NCK2: variants seen among roughly 807,000 people sequenced by gnomAD.
NCK2 encodes the protein NCK adaptor protein 2.
NCK2 carries 16 observed loss-of-function variants against 33.9 expected under a neutral mutation model. The ratio of observed to expected loss-of-function variants is 0.47; its 90% CI spans 0.32 to 0.72. The LOEUF (loss-of-function observed/expected upper bound fraction) is 0.72, where lower values mean the gene tolerates loss of function less well. Among genes scored for constraint, NCK2 ranks in the 30% least tolerant of loss-of-function variants. NCK2 has a pLI of 0.03. For missense variants in NCK2, 418 were observed against 537.3 expected (o/e 0.78, Z 2.19); for synonymous variants, 273 against 239.9 (o/e 1.14, Z -1.27).
intron 1 of NCK2, among the ~76,000 whole-genome samples, chr2:105,765,702 A>G (rs371695948): frequency 6.6e-6 from 1 of 151,404 alleles, no homozygotes; most frequent in East Asian, 1.9e-4. Flanking sequence ...CCTTAAAGAC[A>G]TTTTCAGAAA....
intron 1 of NCK2, among the ~76,000 whole-genome samples, chr2:105,811,498 A>C (rs555996826): frequency 3.0e-4 from 46 of 152,302 alleles, no homozygotes; most frequent in African/African-American, 1.0e-3. Context: ...ACGTACCTGA[A>C]TGTGTGTTCC....
Position 105,747,857 on chromosome 2 carries a change from G to A in NCK2, c.-201+2719G>A, listed in dbSNP as rs151262573. Among the ~76,000 whole-genome samples, 292 of 152,324 alleles carry A rather than the reference G, an allele frequency of 1.9e-3. 1 individual carries two copies. The highest frequency in any genetic ancestry group is 6.7e-3 in the African/African-American group (280 of 41,562). On this transcript the variant is annotated intron_variant, in intron 1 of 4. Transcript: ENST00000233154. ...AGTTAAGGCAACTCAGAAGAAGGTCGTGACGGCCTTTTAACGGGCTATCAA... is the reference window on the plus strand; with the variant it reads ...AGTTAAGGCAACTCAGAAGAAGGTCATGACGGCCTTTTAACGGGCTATCAA...
At chr2:105,798,475 A>G (rs1485471873) in intron 1 of NCK2, among the ~76,000 whole-genome samples, 1 of 152,214 alleles carries the variant, frequency 6.6e-6, no homozygotes, top group Non-Finnish European at 1.5e-5. Flanking sequence ...TACACTTTAA[A>G]CAGTGAACCA....
chr2:105,754,609 C>T (rs1341520713), intron 1 of NCK2, among the ~76,000 whole-genome samples: 1 of 151,884 alleles, frequency 6.6e-6, no homozygotes, highest in Non-Finnish European at 1.5e-5. Context: ...GCTTGTATTC[C>T]TGTTTGTGTG....
At chr2:105,892,184 CA>C (rs570279488) in intron 4 of NCK2, among the ~76,000 whole-genome samples, 41 of 137,376 alleles carry the variant, frequency 3.0e-4, no homozygotes, top group Middle Eastern at 3.8e-3. Flanking sequence ...AACTGCGTCT[CA>C]AAAAAAAAAA....
chr2:105,836,579 A>C (rs991357241), intron 2 of NCK2, among the ~76,000 whole-genome samples: 29 of 152,178 alleles, frequency 1.9e-4, no homozygotes, highest in Admixed American at 1.6e-3. Flanking sequence ...GTCAGCTTTC[A>C]GGCTCTGGGG....
At chr2:105,837,804 C>T (rs1573183091) in intron 2 of NCK2, among the ~76,000 whole-genome samples, 1 of 152,262 alleles carries the variant, frequency 6.6e-6, no homozygotes, top group Non-Finnish European at 1.5e-5. Flanking sequence ...AAAATGGGAT[C>T]GTATTGTGGT....
chr2:105,821,261 T>C (rs985750657), intron 2 of NCK2, among the ~76,000 whole-genome samples: 2 of 152,190 alleles, frequency 1.3e-5, no homozygotes, highest in African/African-American at 2.4e-5. Flanking sequence ...CAACAGGTTA[T>C]TTAGAAAGAT....
chr2:105,755,631 C>G lies in NCK2; in HGVS notation c.-201+10493C>G, dbSNP rs141575856. 1.9e-3 allele frequency among the ~76,000 whole-genome samples: 284 copies of G among 152,166 alleles called. 2 individuals are homozygous for G. The highest frequency in any genetic ancestry group is 6.2e-3 in the African/African-American group (258 of 41,424). On this transcript the variant is annotated intron_variant, in intron 1 of 4. Coordinates refer to ENST00000233154, the MANE Select transcript of NCK2 (RefSeq NM_003581.5). ...TTAGACCTAGATTGGGAAGTAGAAA[C>G]AATTTACTTGTGCAGGTACACGAAT... is the stretch of plus-strand genomic sequence containing the variant.
At chr2:105,771,867 G>A (rs1690144724) in intron 1 of NCK2, among the ~76,000 whole-genome samples, 1 of 152,166 alleles carries the variant, frequency 6.6e-6, no homozygotes, top group South Asian at 2.1e-4. Context: ...CCATCACTCA[G>A]ATCTATATTT....
chr2:105,783,487 C>T (rs1407476547), intron 1 of NCK2, among the ~76,000 whole-genome samples: 1 of 152,144 alleles, frequency 6.6e-6, no homozygotes, highest in Non-Finnish European at 1.5e-5. Context: ...AGACTTAGCT[C>T]TTCATCTTCA....
chr2:105,752,079 T>C (rs966300768), intron 1 of NCK2, among the ~76,000 whole-genome samples: 2 of 152,194 alleles, frequency 1.3e-5, no homozygotes, highest in Non-Finnish European at 2.9e-5. Context: ...GCATATAGTA[T>C]ATACGTTTAC....
chr2:105,820,308 A>G (rs901729221), intron 2 of NCK2, among the ~76,000 whole-genome samples: 2 of 152,162 alleles, frequency 1.3e-5, no homozygotes, highest in Non-Finnish European at 2.9e-5. Flanking sequence ...GGTCAGCCAT[A>G]CACTTCGGCA....
intron 2 of NCK2, among the ~76,000 whole-genome samples, chr2:105,818,116 A>G (rs1048592714): frequency 4.1e-4 from 63 of 152,158 alleles, no homozygotes; most frequent in African/African-American, 1.5e-3. Context: ...TGATGAGTTC[A>G]TGTCCTTTGT....
intron 1 of NCK2, among the ~76,000 whole-genome samples, chr2:105,810,039 G>C (rs1189466127): frequency 6.6e-6 from 1 of 152,166 alleles, no homozygotes; most frequent in Non-Finnish European, 1.5e-5. Flanking sequence ...GGCAGGGCCA[G>C]GGCTGAGAGG....
At chr2:105,752,037 T>C (rs1689469924) in intron 1 of NCK2, among the ~76,000 whole-genome samples, 1 of 152,248 alleles carries the variant, frequency 6.6e-6, no homozygotes, top group Admixed American at 6.5e-5. Flanking sequence ...ATAACTCATA[T>C]TCTTTTATTT....
At chr2:105,824,057 G>T (rs1675853008) in intron 2 of NCK2, among the ~76,000 whole-genome samples, 1 of 152,110 alleles carries the variant, frequency 6.6e-6, no homozygotes, top group Admixed American at 6.5e-5. Context: ...CAGGGATGTG[G>T]CCAGGGACAG....
At chr2:105,866,073 C>T (rs978309450) in intron 3 of NCK2, among the ~76,000 whole-genome samples, 1 of 152,132 alleles carries the variant, frequency 6.6e-6, no homozygotes, top group Non-Finnish European at 1.5e-5. Flanking sequence ...CGCCGCCACA[C>T]CCAGTTGATT....
chr2:105,815,950 A>G (rs113351363), intron 1 of NCK2, among the ~76,000 whole-genome samples: 5 of 152,194 alleles, frequency 3.3e-5, no homozygotes, highest in African/African-American at 7.2e-5. Flanking sequence ...TCCCTTGATT[A>G]TGGGCTGGCT....
Sources: gnomAD v4.1 joint callset for allele counts (sites outside exome capture counted in the v4.1 genomes callset) on GRCh38, gnomAD v4.1.1 for gene constraint, MANE v1.5 for transcripts, NCBI Gene and HGNC (gene_info 2026-07-23, HGNC 2026-07-21) for gene names.